Variants in OPCML observed in about 807,000 individuals in gnomAD.
OPCML encodes the protein opioid binding protein/cell adhesion molecule like, also known as opioid-binding protein/cell adhesion molecule.
A neutral mutation model predicts 37.8 loss-of-function variants in OPCML; 13 were observed. The observed-to-expected ratio is 0.34, with a 90% CI of 0.22 to 0.55. The LOEUF (loss-of-function observed/expected upper bound fraction) is 0.55. Ranked by LOEUF, OPCML falls within the 20% of genes least tolerant of loss-of-function variation. The probability of loss-of-function intolerance (pLI) is 0.91; values close to 1 mark genes in which losing one functional copy is unlikely to be tolerated. For synonymous variants in OPCML, 176 were observed against 168.8 expected (o/e 1.04, Z -0.33); for missense variants, 341 against 435.6 (o/e 0.78, Z 1.93).
intron 4 of OPCML, among the ~76,000 whole-genome samples, chr11:132,439,681 G>A (rs752908735): frequency 1.2e-4 from 17 of 141,926 alleles, no homozygotes; most frequent in Non-Finnish European, 2.4e-4. Context: ...TCAAAATGAC[G>A]TTCCAGACAC....
intron 1 of OPCML, among the ~76,000 whole-genome samples, chr11:133,446,309 A>G (rs914465546): frequency 2.0e-5 from 3 of 152,230 alleles, no homozygotes; most frequent in South Asian, 2.1e-4. Flanking sequence ...TCTGTTGGAC[A>G]AAAGTTAGAT....
chr11:133,216,954 A>G (rs1939609263), intron 1 of OPCML, among the ~76,000 whole-genome samples: 1 of 152,220 alleles, frequency 6.6e-6, no homozygotes. Flanking sequence ...TTATGTAAAT[A>G]TGAAGATTGC....
intron 3 of OPCML, among the ~76,000 whole-genome samples, chr11:132,571,316 T>C (rs2096437930): frequency 6.6e-6 from 1 of 152,118 alleles, no homozygotes; most frequent in Non-Finnish European, 1.5e-5. Context: ...TCCCCACCTG[T>C]CAGACGGCCT....
At chr11:133,223,344 A>G (rs1939913090) in intron 1 of OPCML, among the ~76,000 whole-genome samples, 1 of 152,250 alleles carries the variant, frequency 6.6e-6, no homozygotes, top group East Asian at 1.9e-4. Context: ...GAAAAGAAGG[A>G]CAGAGTATTC....
At chr11:133,408,485 T>C (rs1945571464) in intron 1 of OPCML, among the ~76,000 whole-genome samples, 1 of 152,206 alleles carries the variant, frequency 6.6e-6, no homozygotes, top group Non-Finnish European at 1.5e-5. Flanking sequence ...TTTACAACAT[T>C]TTATTTGACA....
chr11:132,760,075 C>A (rs1173214741), intron 2 of OPCML, among the ~76,000 whole-genome samples: 2 of 152,130 alleles, frequency 1.3e-5, no homozygotes, highest in Non-Finnish European at 2.9e-5. Context: ...CATTCAGGAG[C>A]AGGTTGTTCA....
At chr11:133,029,746 T>C (rs921481217) in intron 1 of OPCML, among the ~76,000 whole-genome samples, 2 of 152,098 alleles carry the variant, frequency 1.3e-5, no homozygotes, top group Non-Finnish European at 2.9e-5. Context: ...GTTGAAATAC[T>C]ACCTATCAGG....
At chr11:132,457,004 G>T (rs956591977) in intron 4 of OPCML, among the ~76,000 whole-genome samples, 1 of 152,188 alleles carries the variant, frequency 6.6e-6, no homozygotes, top group Admixed American at 6.5e-5. Flanking sequence ...CTCATGCATG[G>T]GGGGAGGGAT....
intron 2 of OPCML, among the ~76,000 whole-genome samples, chr11:132,898,400 T>C (rs569518288): frequency 6.6e-6 from 1 of 152,290 alleles, no homozygotes; most frequent in East Asian, 1.9e-4. Context: ...TCACACAGTG[T>C]ATCTACTAAG....
intron 2 of OPCML, among the ~76,000 whole-genome samples, chr11:132,823,915 C>A (rs962032949): frequency 6.6e-6 from 1 of 152,146 alleles, no homozygotes; most frequent in Non-Finnish European, 1.5e-5. Flanking sequence ...GACATGCACT[C>A]TCTTGTTCTG....
chr11:132,591,574 C>T (rs1591596119), intron 3 of OPCML, among the ~76,000 whole-genome samples: 2 of 152,150 alleles, frequency 1.3e-5, no homozygotes, highest in Admixed American at 6.6e-5. Flanking sequence ...GAATTTTAAT[C>T]CTCCACTGTG....
At chr11:132,779,548 T>C (rs537874544) in intron 2 of OPCML, among the ~76,000 whole-genome samples, 11 of 134,924 alleles carry the variant, frequency 8.2e-5, no homozygotes, top group Middle Eastern at 8.1e-3. Flanking sequence ...TGATGATAGA[T>C]AGACAGAAGG....
chr11:133,083,384 G>T (rs933843934), intron 1 of OPCML, among the ~76,000 whole-genome samples: 3 of 152,122 alleles, frequency 2.0e-5, no homozygotes, highest in African/African-American at 7.2e-5. Flanking sequence ...CCCGGATACT[G>T]GTGCCCCTGT....
In OPCML at chr11:132,562,169, G is replaced by A. The variant is rs376253126; in HGVS notation, c.380-32983C>T. On this transcript the variant is annotated intron_variant, in intron 3 of 7. Transcript: ENST00000524381. The stretch of plus-strand genomic sequence containing the variant: ...ATTAGCACTCCAAAATGAGGGCCTG[G>A]CAACACAGGTCCCGCCAAATTAAAG... Among the ~76,000 whole-genome samples, 181 of 152,190 alleles carry A rather than the reference G, an allele frequency of 1.2e-3. 1 individual carries two copies. Among genetic ancestry groups the A allele is most frequent in the African/African-American group, 4.2e-3 (176 of 41,516 alleles).
intron 2 of OPCML, among the ~76,000 whole-genome samples, chr11:132,691,595 G>C (rs956849471): frequency 6.6e-6 from 1 of 152,186 alleles, no homozygotes; most frequent in African/African-American, 2.4e-5. Flanking sequence ...GGACCATCCA[G>C]TGACAGCACC....
At chr11:132,837,749 G>A (rs11223242) in intron 2 of OPCML, among the ~76,000 whole-genome samples, 4,942 of 152,246 alleles carry the variant, frequency 0.032, 97 homozygotes, top group Middle Eastern at 0.071. Context: ...ACAAGTAGGC[G>A]TCCATGAGGC....
At chr11:132,876,359 T>C (rs1243236599) in intron 2 of OPCML, among the ~76,000 whole-genome samples, 1 of 152,194 alleles carries the variant, frequency 6.6e-6, no homozygotes, top group African/African-American at 2.4e-5. Flanking sequence ...CTTTATGATC[T>C]GAGTTCAGGG....
At chr11:132,586,579 C>T (rs1353367949) in intron 3 of OPCML, among the ~76,000 whole-genome samples, 1 of 152,148 alleles carries the variant, frequency 6.6e-6, no homozygotes, top group East Asian at 1.9e-4. Context: ...CAATAATGTG[C>T]ATTTATGGTT....
chr11:133,499,787 TACAC>T lies in OPCML; in HGVS notation c.61+32473_61+32476del, dbSNP rs535779654. Among the ~76,000 whole-genome samples, 304 of 141,482 alleles carry T rather than the reference TACAC, an allele frequency of 2.1e-3. 3 individuals carry two copies. The highest frequency in any genetic ancestry group is 7.5e-3 in the African/African-American group (276 of 36,822). The allele number at this position is 141,482 out of a possible 152,430, so 92.8% of individuals were successfully genotyped here. ...AGAAAAATAAATATATATATATATATACACATATATATATGTGTGTGTATATATA... is the reference window on the plus strand; with the variant it reads ...AGAAAAATAAATATATATATATATATATATATATATGTGTGTGTATATATA... On this transcript the variant is annotated intron_variant, in intron 1 of 7. Transcript: ENST00000524381.
Sources: allele counts gnomAD v4.1 joint callset (sites outside exome capture counted in the v4.1 genomes callset), GRCh38; gene constraint gnomAD v4.1.1; transcripts MANE v1.5; gene names NCBI Gene and HGNC (gene_info 2026-07-23, HGNC 2026-07-21).